Variants in MAPKAPK3 observed in about 807,000 individuals in gnomAD.
MAPKAPK3 encodes the protein MAP kinase-activated protein kinase 3.
A neutral mutation model predicts 49.2 loss-of-function variants in MAPKAPK3; 35 were observed. That is an observed-to-expected ratio of 0.71 (90% confidence interval 0.54 to 0.94). The LOEUF is 0.94. Among genes scored for constraint, MAPKAPK3 ranks in the 40% least tolerant of loss-of-function variants. The pLI is 0.00. For synonymous variants in MAPKAPK3, 178 were observed against 188.7 expected (o/e 0.94, Z 0.46); for missense variants, 398 against 493.1 (o/e 0.81, Z 1.83).
intron 3 of MAPKAPK3, among the ~76,000 whole-genome samples, chr3:50,641,296 T>A (rs77985427): frequency 1.3e-5 from 2 of 152,226 alleles, no homozygotes; most frequent in Non-Finnish European, 2.9e-5. Flanking sequence ...ACAGCGCTCA[T>A]GAAACGTGGA....
intron 2 of MAPKAPK3, among the ~76,000 whole-genome samples, chr3:50,634,241 A>T (rs1360110626): frequency 1.3e-5 from 2 of 152,158 alleles, no homozygotes; most frequent in African/African-American, 4.8e-5. Context: ...ATGGCCAGGA[A>T]TCCCCTTCCT....
Position 50,640,481 on chromosome 3 carries a change from G to C in MAPKAPK3, c.335G>C (p.Arg112Pro). 1 of 1,613,262 alleles carries C rather than the reference G, an allele frequency of 6.2e-7. No homozygotes were observed. Among genetic ancestry groups the C allele is most frequent in the African/African-American group, 1.3e-5 (1 of 75,008 alleles). ...DVYENMHHGK[R>P]CLLIIMECME... ...TATGAGAACATGCACCATGGCAAGC[G>C]CTGTCTCCTCATCATCATGGAATGG... The change falls in exon 3 of 11, where the codon CGC becomes CCC. Residue 112 changes from arginine (R) to proline (P), a missense_variant. Physicochemically the swap from Arg to Pro is moderately radical, Grantham distance 103. Coordinates refer to ENST00000621469, the MANE Select transcript of MAPKAPK3 (RefSeq NM_001243925.2).
At chr3:50,628,483 T>C (rs887149857) in intron 2 of MAPKAPK3, among the ~76,000 whole-genome samples, 1 of 152,248 alleles carries the variant, frequency 6.6e-6, no homozygotes, top group Admixed American at 6.5e-5. Flanking sequence ...ATTTTTACAC[T>C]GTCATAGAAG....
upstream of MAPKAPK3, among the ~76,000 whole-genome samples, chr3:50,615,375 T>C (rs1249912993): frequency 6.6e-6 from 1 of 152,160 alleles, no homozygotes; most frequent in African/African-American, 2.4e-5. Context: ...TGTGTGTTTA[T>C]ACGTGTTATA....
intron 5 of MAPKAPK3, among the ~76,000 whole-genome samples, chr3:50,643,159 G>A (rs112300672): frequency 2.0e-4 from 30 of 152,172 alleles, no homozygotes; most frequent in African/African-American, 7.0e-4. Flanking sequence ...GCCCTGTTGC[G>A]GCTTTTGTGA....
At chr3:50,637,693 A>AAGAG (rs34205773) in intron 2 of MAPKAPK3, among the ~76,000 whole-genome samples, 109 of 144,996 alleles carry the variant, frequency 7.5e-4, no homozygotes, top group African/African-American at 2.3e-3. Context: ...CAGAGAGAGA[A>AAGAG]AGAGAGAGAG....
chr3:50,646,079 G>C (rs530575061), intron 7 of MAPKAPK3, 61 bp from the exon 8 acceptor site: 5 of 1,575,626 alleles, frequency 3.2e-6, no homozygotes, highest in Non-Finnish European at 4.3e-6. Context: ...CTTTTGAGGG[G>C]AAATGGGTCC....
Position 50,646,233 on chromosome 3 carries a change from C to G in MAPKAPK3, c.798C>G (p.Pro266=). ...TTCGCCTGGGCCAGTACGGCTTCCC[C>G]AATCCTGAGTGGTCAGAAGTCTCTG... The part of the protein sequence containing the change: ...RRIRLGQYGF[P]NPEWSEVSED... Residue 266 remains proline, a synonymous_variant, in exon 8 of 11, where the codon CCC becomes CCG. Coordinates refer to ENST00000621469, the MANE Select transcript of MAPKAPK3 (RefSeq NM_001243925.2). The G allele has an allele frequency of 6.2e-7, 1 of 1,614,186 alleles. No homozygotes were observed. The highest frequency in any genetic ancestry group is 8.5e-7 in the Non-Finnish European group (1 of 1,180,032).
intron 2 of MAPKAPK3, among the ~76,000 whole-genome samples, chr3:50,627,626 C>T (rs1456959038): frequency 1.3e-5 from 2 of 152,124 alleles, no homozygotes. Context: ...GAGTCACTGC[C>T]GCCTAGTCTC....
At chr3:50,625,393 C>A (rs533154789) in intron 2 of MAPKAPK3, among the ~76,000 whole-genome samples, 2 of 152,210 alleles carry the variant, frequency 1.3e-5, no homozygotes, top group South Asian at 2.1e-4. Flanking sequence ...GGGTCCTGGG[C>A]TCCTCCCCAC....
At chr3:50,627,251 GTGA>G (rs1185449620) in intron 2 of MAPKAPK3, among the ~76,000 whole-genome samples, 1 of 151,742 alleles carries the variant, frequency 6.6e-6, no homozygotes, top group Admixed American at 6.6e-5. Flanking sequence ...CCTTTTGGCT[GTGA>G]AGACATGTTA....
At chr3:50,637,125 T>C (rs1219141737) in intron 2 of MAPKAPK3, among the ~76,000 whole-genome samples, 2 of 152,188 alleles carry the variant, frequency 1.3e-5, no homozygotes, top group African/African-American at 4.8e-5. Flanking sequence ...AGGCCCAGGC[T>C]GGAAGGCTCT....
At chr3:50,631,377 C>G (rs1200874875) in intron 2 of MAPKAPK3, among the ~76,000 whole-genome samples, 3 of 152,210 alleles carry the variant, frequency 2.0e-5, no homozygotes, top group African/African-American at 7.2e-5. Context: ...AAGGAAGATG[C>G]TGAAGCTTTA....
intron 2 of MAPKAPK3, 76 bp from the exon 3 acceptor site, chr3:50,640,290 A>C: frequency 6.8e-7 from 1 of 1,471,074 alleles, no homozygotes; most frequent in South Asian, 1.3e-5. Flanking sequence ...CAGGCCTCAG[A>C]GCTTATATGT....
At chr3:50,629,955 C>A (rs1182553861) in intron 2 of MAPKAPK3, among the ~76,000 whole-genome samples, 1 of 152,234 alleles carries the variant, frequency 6.6e-6, no homozygotes, top group Non-Finnish European at 1.5e-5. Flanking sequence ...AGGCTTGGAA[C>A]CTCAGCTACT....
chr3:50,643,413 A>AG (rs1265957068), intron 5 of MAPKAPK3, among the ~76,000 whole-genome samples: 2 of 152,126 alleles, frequency 1.3e-5, no homozygotes, highest in African/African-American at 4.8e-5. Flanking sequence ...TGTGCACACA[A>AG]GCATGTGTGA....
intron 5 of MAPKAPK3, among the ~76,000 whole-genome samples, chr3:50,643,766 C>T (rs1411210450): frequency 6.6e-6 from 1 of 152,090 alleles, no homozygotes; most frequent in Non-Finnish European, 1.5e-5. Flanking sequence ...CATCCTTCTA[C>T]CAACACCCCA....
At chr3:50,626,451 G>T (rs1344303586) in intron 2 of MAPKAPK3, among the ~76,000 whole-genome samples, 1 of 152,182 alleles carries the variant, frequency 6.6e-6, no homozygotes, top group Non-Finnish European at 1.5e-5. Context: ...AGGCTCAGAG[G>T]CTACATTCAG....
At chr3:50,618,730 G>T (rs1030896363) in intron 2 of MAPKAPK3, among the ~76,000 whole-genome samples, 3 of 151,582 alleles carry the variant, frequency 2.0e-5, no homozygotes, top group African/African-American at 7.3e-5. Context: ...TCACTCTGTC[G>T]CCAGGCTGGA....
Sources: gnomAD v4.1 joint callset for allele counts (sites outside exome capture counted in the v4.1 genomes callset) on GRCh38, gnomAD v4.1.1 for gene constraint, MANE v1.5 for transcripts, NCBI Gene and HGNC (gene_info 2026-07-23, HGNC 2026-07-21) for gene names.